The following GRM8 variants were observed in gnomAD, a reference collection of about 807,000 sequenced individuals.
GRM8 encodes glutamate metabotropic receptor 8.
In GRM8, 47 loss-of-function variants were observed where a neutral mutation model predicts 87.2. That is an observed-to-expected ratio of 0.54 (90% CI 0.43 to 0.69). The LOEUF is 0.69. Ranked by LOEUF, GRM8 falls within the 30% of genes least tolerant of loss-of-function variation. The pLI is 0.00. For synonymous variants in GRM8, 396 were observed against 404.5 expected (o/e 0.98, Z 0.25); for missense variants, 1,019 against 1,139.2 (o/e 0.89, Z 1.52).
intron 9 of GRM8, among the ~76,000 whole-genome samples, chr7:126,486,492 G>A (rs185487555): frequency 1.1e-4 from 17 of 151,994 alleles, no homozygotes; most frequent in African/African-American, 3.6e-4. Flanking sequence ...TTCTGGTTTC[G>A]CCTGAAGGTT....
intron 3 of GRM8, among the ~76,000 whole-genome samples, chr7:126,939,654 T>C (rs576997894): frequency 6.6e-6 from 1 of 152,346 alleles, no homozygotes; most frequent in African/African-American, 2.4e-5. Flanking sequence ...GGGTAAATGC[T>C]TTGTGCTATC....
At chr7:126,944,327 C>T (rs774159652) in intron 3 of GRM8, among the ~76,000 whole-genome samples, 4 of 152,092 alleles carry the variant, frequency 2.6e-5, no homozygotes, top group East Asian at 1.9e-4. Flanking sequence ...GGGCTGCATG[C>T]GACATCCCAA....
At chr7:126,487,855 G>A (rs1807556479) in intron 9 of GRM8, among the ~76,000 whole-genome samples, 1 of 151,840 alleles carries the variant, frequency 6.6e-6, no homozygotes, top group South Asian at 2.1e-4. Flanking sequence ...TTTATCATTG[G>A]CAACAAATAC....
chr7:126,509,622 G>A (rs76832807), intron 9 of GRM8, among the ~76,000 whole-genome samples: 1 of 151,930 alleles, frequency 6.6e-6, no homozygotes, highest in South Asian at 2.1e-4. Flanking sequence ...CTTTGAGGTA[G>A]GTAATTATCA....
chr7:126,511,964 CT>C (rs1218077854), intron 9 of GRM8: 1 of 152,038 alleles, frequency 6.6e-6, no homozygotes, highest in East Asian at 1.9e-4. Flanking sequence ...CTTTTAAGTC[CT>C]GAAAAGGCAG....
chr7:127,010,796 A>G (rs888345120), intron 3 of GRM8, among the ~76,000 whole-genome samples: 1 of 152,154 alleles, frequency 6.6e-6, no homozygotes, highest in African/African-American at 2.4e-5. Context: ...TTGAGGAGGG[A>G]CAAAAACATT....
chr7:126,516,696 G>C (rs758204039), intron 9 of GRM8, among the ~76,000 whole-genome samples: 2 of 151,988 alleles, frequency 1.3e-5, no homozygotes, highest in Non-Finnish European at 1.5e-5. Context: ...AAGAGAACAT[G>C]GGAGGCAATT....
intron 3 of GRM8, among the ~76,000 whole-genome samples, chr7:127,081,319 C>T (rs1265672001): frequency 6.6e-6 from 1 of 152,144 alleles, no homozygotes; most frequent in African/African-American, 2.4e-5. Context: ...CAGGATGGTC[C>T]CTAGAGCCCT....
chr7:126,976,303 T>C (rs1810979881), intron 3 of GRM8, among the ~76,000 whole-genome samples: 1 of 152,168 alleles, frequency 6.6e-6, no homozygotes. Context: ...GAATGGAACA[T>C]ACAAAGTATT....
chr7:127,015,313 AAG>A (rs1026436421), intron 3 of GRM8, among the ~76,000 whole-genome samples: 1 of 151,964 alleles, frequency 6.6e-6, no homozygotes, highest in Non-Finnish European at 1.5e-5. Flanking sequence ...AAGAAAGAGG[AAG>A]AGTCATTCTG....
intron 6 of GRM8, among the ~76,000 whole-genome samples, chr7:126,874,298 T>C (rs1173620382): frequency 2.0e-5 from 3 of 152,046 alleles, no homozygotes; most frequent in Admixed American, 1.3e-4. Context: ...CTGACACAAG[T>C]TCAGATGTGA....
Position 127,249,212 on chromosome 7 carries a change from G to T in GRM8, c.-312+3585C>A, listed in dbSNP as rs956032864. 8.3e-4 allele frequency among the ~76,000 whole-genome samples: 127 copies of T among 152,178 alleles called. 1 individual carries two copies. The highest frequency in any genetic ancestry group is 3.0e-3 in the African/African-American group (123 of 41,502). On this transcript the variant is annotated intron_variant, in intron 1 of 10. Coordinates refer to ENST00000339582, the MANE Select transcript of GRM8 (RefSeq NM_000845.3). ...GGCTCTCCTAGATATTCCTACTTCT[G>T]TTCACCTCCTGCCCTGCCCTGCCCT...
intron 7 of GRM8, among the ~76,000 whole-genome samples, chr7:126,718,527 T>G (rs1225107125): frequency 6.6e-6 from 1 of 152,216 alleles, no homozygotes; most frequent in Non-Finnish European, 1.5e-5. Context: ...TGCTGTGTGG[T>G]GGAGGCCAGG....
Position 126,584,223 on chromosome 7 carries a change from A to T in GRM8, c.1494+25139T>A, listed in dbSNP as rs183072375. Among the ~76,000 whole-genome samples, 9 of 139,802 alleles carry T rather than the reference A, an allele frequency of 6.4e-5. No individual in the cohort carries two copies. The East Asian group carries it at 1.8e-3, about 28-fold the overall frequency. 91.7% of individuals were successfully genotyped at this position (139,802 alleles called of 152,430 possible). A position where few individuals can be genotyped will look rare whatever the true frequency, so the allele number is the denominator to read the frequency against. ...TAATAGACTAGAGTATACTGTAAAG[A>T]TAACTTTTTTTTTATTTTTTGAGAC... On this transcript the variant is annotated intron_variant, in intron 8 of 10. Coordinates refer to ENST00000339582, the MANE Select transcript of GRM8 (RefSeq NM_000845.3).
At chr7:126,587,360 A>G (rs1008316326) in intron 8 of GRM8, among the ~76,000 whole-genome samples, 36 of 152,350 alleles carry the variant, frequency 2.4e-4, no homozygotes, top group Non-Finnish European at 4.6e-4. Context: ...TCATGCTGCT[A>G]TAAAGACACA....
intron 9 of GRM8, among the ~76,000 whole-genome samples, chr7:126,453,107 A>G (rs1183353086): frequency 6.9e-6 from 1 of 144,188 alleles, no homozygotes; most frequent in African/African-American, 2.8e-5. Flanking sequence ...ACACACACAC[A>G]CACACATACA....
At chr7:127,074,727 C>A (rs966382474) in intron 3 of GRM8, among the ~76,000 whole-genome samples, 9 of 152,198 alleles carry the variant, frequency 5.9e-5, no homozygotes, top group Admixed American at 2.6e-4. Context: ...TAATCAACTG[C>A]CTTCTATATG....
At chr7:126,948,888 A>C (rs1487843782) in intron 3 of GRM8, among the ~76,000 whole-genome samples, 1 of 152,236 alleles carries the variant, frequency 6.6e-6, no homozygotes, top group Non-Finnish European at 1.5e-5. Context: ...AGAGACCCAC[A>C]GTAAGATTCA....
rs769404949 is a variant in GRM8 at position 126,901,744 on chromosome 7, AG to A, written c.1156+797del. 1.1e-3 allele frequency among the ~76,000 whole-genome samples: 166 copies of A among 152,336 alleles called. 1 individual carries two copies. Among genetic ancestry groups the A allele is most frequent in the Admixed American group, 1.5e-3 (23 of 15,304 alleles). ...TCAAGTTGTGTAGTTTTCAGTGTAA[AG>A]GATTTGTGCATTTTTGTTAAAATTG... On this transcript the variant is annotated intron_variant, in intron 6 of 10. Transcript: ENST00000339582.
Sources: gnomAD v4.1 joint callset for allele counts (sites outside exome capture counted in the v4.1 genomes callset) on GRCh38, gnomAD v4.1.1 for gene constraint, MANE v1.5 for transcripts, NCBI Gene and HGNC (gene_info 2026-07-23, HGNC 2026-07-21) for gene names.